Variants in APLF observed in about 807,000 individuals in gnomAD.
APLF encodes aprataxin and PNK-like factor.
In APLF, 61 loss-of-function variants were observed where a neutral mutation model predicts 55.6. That is an observed-to-expected ratio of 1.10 (90% CI 0.89 to 1.36). The LOEUF (loss-of-function observed/expected upper bound fraction) is 1.36. Ranked by LOEUF, APLF falls within the 40% of genes most tolerant of loss-of-function variation. APLF has a pLI of 0.00. For missense variants in APLF, 611 were observed against 602.5 expected (o/e 1.01, Z -0.15); for synonymous variants, 207 against 214.8 (o/e 0.96, Z 0.32).
intron 2 of APLF, among the ~76,000 whole-genome samples, chr2:68,490,837 T>A (rs755147821): frequency 7.9e-5 from 12 of 152,228 alleles, no homozygotes; most frequent in Admixed American, 2.0e-4. Flanking sequence ...TTATTCCTTT[T>A]CATTTGCAGA....
intron 8 of APLF, among the ~76,000 whole-genome samples, chr2:68,558,611 T>C (rs1352528258): frequency 6.6e-6 from 1 of 152,232 alleles, no homozygotes; most frequent in Non-Finnish European, 1.5e-5. Flanking sequence ...GGAGCTTATG[T>C]AAAACAGTTC....
chr2:68,493,977 G>A (rs552116906), intron 2 of APLF, among the ~76,000 whole-genome samples: 13 of 151,998 alleles, frequency 8.6e-5, no homozygotes, highest in African/African-American at 1.9e-4. Context: ...GCGTGGTGGC[G>A]GGTGCCTGTA....
chr2:68,530,196 C>T (rs1475336076), intron 6 of APLF, among the ~76,000 whole-genome samples: 2 of 152,284 alleles, frequency 1.3e-5, no homozygotes, highest in Non-Finnish European at 2.9e-5. Flanking sequence ...ACAGCTGGCG[C>T]TCTGGCCTGT....
chr2:68,549,745 A>G (rs1270187381), intron 8 of APLF, among the ~76,000 whole-genome samples: 2 of 152,270 alleles, frequency 1.3e-5, no homozygotes, highest in East Asian at 1.9e-4. Flanking sequence ...TGAGAGAGGA[A>G]TATTAAAACC....
intron 4 of APLF, 71 bp downstream of exon 4, chr2:68,513,298 G>A (rs142521999): frequency 6.7e-7 from 1 of 1,484,532 alleles, no homozygotes; most frequent in Non-Finnish European, 9.0e-7. Flanking sequence ...AAAGACAACT[G>A]AAATTAGGCC....
intron 6 of APLF, among the ~76,000 whole-genome samples, chr2:68,526,990 T>C (rs1670078411): frequency 6.6e-6 from 1 of 152,240 alleles, no homozygotes; most frequent in Admixed American, 6.5e-5. Flanking sequence ...CACACAAGGC[T>C]GTCACTTCAC....
intron 5 of APLF, among the ~76,000 whole-genome samples, chr2:68,518,083 T>G (rs1017234209): frequency 7.5e-6 from 1 of 132,486 alleles, no homozygotes; most frequent in South Asian, 2.3e-4. Flanking sequence ...TAGTATATAA[T>G]ATTAATATAT....
intron 9 of APLF, among the ~76,000 whole-genome samples, chr2:68,572,043 T>C (rs942005859): frequency 6.6e-6 from 1 of 152,120 alleles, no homozygotes; most frequent in Admixed American, 6.6e-5. Context: ...ATGTATGTGC[T>C]TATATATACT....
chr2:68,561,379 C>G (rs1002059190), intron 8 of APLF, among the ~76,000 whole-genome samples: 1 of 152,080 alleles, frequency 6.6e-6, no homozygotes, highest in Non-Finnish European at 1.5e-5. Context: ...GAGCCCCTTT[C>G]ACAACATAAT....
intron 5 of APLF, among the ~76,000 whole-genome samples, chr2:68,520,277 C>T (rs1447466795): frequency 1.3e-5 from 2 of 151,986 alleles, no homozygotes; most frequent in African/African-American, 4.8e-5. Flanking sequence ...TCTGTTTACT[C>T]TGCTGATTAT....
intron 5 of APLF, among the ~76,000 whole-genome samples, chr2:68,523,565 G>GC (rs1455701990): frequency 6.6e-5 from 10 of 151,876 alleles, no homozygotes; most frequent in African/African-American, 2.4e-4. Flanking sequence ...AGTTAATATA[G>GC]CTGTTTGGGA....
intron 6 of APLF, among the ~76,000 whole-genome samples, chr2:68,532,522 C>G (rs1670287409): frequency 6.6e-6 from 1 of 152,156 alleles, no homozygotes; most frequent in African/African-American, 2.4e-5. Flanking sequence ...AACTGAGGCC[C>G]AAGGTCACAT....
intron 1 of APLF, among the ~76,000 whole-genome samples, chr2:68,470,317 C>T (rs1675577436): frequency 6.6e-6 from 1 of 152,152 alleles, no homozygotes; most frequent in Non-Finnish European, 1.5e-5. Context: ...AAAAATTAGG[C>T]AGCAGGGCAG....
At chr2:68,472,272 G>A (rs1675640146) in intron 1 of APLF, among the ~76,000 whole-genome samples, 1 of 152,172 alleles carries the variant, frequency 6.6e-6, no homozygotes, top group Non-Finnish European at 1.5e-5. Context: ...AAAACAAAGG[G>A]GAAAGGGAAT....
chr2:68,505,047 CATTTCATATATAAATT>C (rs1418986013), intron 3 of APLF, among the ~76,000 whole-genome samples: 1 of 151,954 alleles, frequency 6.6e-6, no homozygotes, highest in Non-Finnish European at 1.5e-5. Context: ...CAGATATGTG[CATTTCATATATAAATT>C]ATATCTAAAA....
At chr2:68,485,419 A>T (rs1206365719) in intron 1 of APLF, among the ~76,000 whole-genome samples, 1 of 152,134 alleles carries the variant, frequency 6.6e-6, no homozygotes, top group East Asian at 1.9e-4. Context: ...AGAGTACCAC[A>T]TTAGGAAGCA....
chr2:68,535,358 G>T (rs765522364), intron 6 of APLF: 4 of 404,410 alleles, frequency 9.9e-6, no homozygotes, highest in South Asian at 5.8e-5. Flanking sequence ...CTCATCCTTC[G>T]ACCTCATTGC....
Position 68,513,568 on chromosome 2 carries a change from A to G in APLF, c.510A>G (p.Arg170=). 6.2e-7 allele frequency: 1 copy of G among 1,611,208 alleles called. No homozygotes were observed. The change falls in exon 5 of 10, where the codon AGA becomes AGG. Residue 170 remains arginine, a synonymous_variant. Coordinates refer to ENST00000303795, the MANE Select transcript of APLF (RefSeq NM_173545.3). ...TTTAGTCTTTCCTAGGTGAAAATAG[A>G]GACTGCAATAAGCAGCAGCCAATCC... ...TNSVSFLGEN[R]DCNKQQPILA... is the part of the protein sequence containing the mutation.
At chr2:68,553,773 A>C (rs1670930515) in intron 8 of APLF, among the ~76,000 whole-genome samples, 1 of 152,130 alleles carries the variant, frequency 6.6e-6, no homozygotes, top group Non-Finnish European at 1.5e-5. Context: ...GATGAAATTC[A>C]TGAGCTACAA....
Sources: allele counts gnomAD v4.1 joint callset (sites outside exome capture counted in the v4.1 genomes callset), GRCh38; gene constraint gnomAD v4.1.1; transcripts MANE v1.5; gene names NCBI Gene and HGNC (gene_info 2026-07-23, HGNC 2026-07-21).